The following BOP1 variants were observed in gnomAD, a reference collection of about 807,000 sequenced individuals.
The protein encoded by BOP1 is ribosome biogenesis protein BOP1.
BOP1 carries 54 observed loss-of-function variants against 82.9 expected under a neutral mutation model. The observed-to-expected ratio is 0.65, with a 90% CI of 0.52 to 0.82. The LOEUF is 0.82. Among genes scored for constraint, BOP1 ranks in the 40% least tolerant of loss-of-function variants. BOP1 has a pLI of 0.00. For synonymous variants in BOP1, 566 were observed against 451.1 expected, an observed-to-expected ratio of 1.25 and a Z score of -3.23; for missense variants, 1,170 against 1,072.0, an observed-to-expected ratio of 1.09 and a Z score of -1.28.
Position 144,276,904 on chromosome 8 carries a change from C to T in BOP1, c.310-600G>A, listed in dbSNP as rs965455151. Among the ~76,000 whole-genome samples, 3 of 152,322 alleles carry T rather than the reference C, an allele frequency of 2.0e-5. No individual in the cohort carries two copies. In the South Asian group the frequency reaches 6.2e-4, roughly 32 times the overall value. ...GGGCCCCGAACACTCAGAAGGCCTG[C>T]CCAGCGTTCTCCCACCCACCACGTC... On this transcript the variant is annotated intron_variant, in intron 2 of 15. Transcript: ENST00000569669.
At chr8:144,273,598 C>T (rs1327899046) in intron 3 of BOP1, among the ~76,000 whole-genome samples, 1 of 152,256 alleles carries the variant, frequency 6.6e-6, no homozygotes, top group African/African-American at 2.4e-5. Context: ...CAGTTTCTCC[C>T]AACCGCTCAA....
At chr8:144,285,237 G>A (rs921016225) in intron 2 of BOP1, among the ~76,000 whole-genome samples, 9 of 152,176 alleles carry the variant, frequency 5.9e-5, no homozygotes, top group East Asian at 1.9e-4. Flanking sequence ...TGAGGCCCTC[G>A]CCCTGCCTGA....
chr8:144,290,148 C>T (rs560885874), intron 1 of BOP1, among the ~76,000 whole-genome samples: 2 of 152,212 alleles, frequency 1.3e-5, no homozygotes, highest in East Asian at 3.9e-4. Context: ...CACCTGAGGT[C>T]AGGAGTTCAA....
chr8:144,272,869 C>T (rs921761766), intron 3 of BOP1, among the ~76,000 whole-genome samples: 1 of 152,196 alleles, frequency 6.6e-6, no homozygotes, highest in East Asian at 1.9e-4. Flanking sequence ...AAGGGGCACG[C>T]GGCAGTCAGG....
rs1365361518 is a variant in BOP1 at position 144,262,600 on chromosome 8, T to C, written c.1967A>G (p.Tyr656Cys). Reference sequence around the variant, plus strand: ...CAGCTTTCCTCACCTCAGCATCCTGTATGGCTTGGTGGAAAGATCCAGGTC... The same window carrying C: ...CAGCTTTCCTCACCTCAGCATCCTGCATGGCTTGGTGGAAAGATCCAGGTC... ...WFDLDLSTKP[Y>C]RMLRHHKKAL... is the part of the protein sequence containing the mutation. The change falls in exon 14 of 16, where the codon TAC (tyrosine) becomes TGC (cysteine). Residue 656 changes from tyrosine (Y) to cysteine (C), a missense_variant. Transcript: ENST00000569669. 17 of 1,613,322 alleles carry C rather than the reference T, an allele frequency of 1.1e-5. No homozygotes were observed. The highest frequency in any genetic ancestry group is 1.4e-5 in the Non-Finnish European group (16 of 1,179,814).
Position 144,289,186 on chromosome 8 carries a change from T to A in BOP1, c.218A>T (p.Asp73Val), listed in dbSNP as rs782280925. 3.7e-6 allele frequency: 6 copies of A among 1,614,172 alleles called. No individual in the cohort carries two copies. Among genetic ancestry groups the A allele is most frequent in the Middle Eastern group, 1.6e-4 (1 of 6,062 alleles). ...LEDSGSDSSE[D>V]DDEGDEEGED... is the part of the protein sequence containing the mutation. ...TCCCTCCTCGTCGCCTTCGTCATCA[T>A]CCTCACTGCTGTCACTGCCGGAATC... The change falls in exon 2 of 16, where the codon GAT becomes GTT. Residue 73 changes from aspartate to valine, a missense_variant. Physicochemically the swap from Asp to Val is radical, Grantham distance 152. Coordinates refer to ENST00000569669, the MANE Select transcript of BOP1 (RefSeq NM_015201.5).
At chr8:144,269,966 G>C (rs1349771307) in intron 3 of BOP1, among the ~76,000 whole-genome samples, 1 of 152,182 alleles carries the variant, frequency 6.6e-6, no homozygotes, top group Admixed American at 6.5e-5. Context: ...ACTGGGTGTA[G>C]TTCTGTAGGG....
intron 3 of BOP1, among the ~76,000 whole-genome samples, chr8:144,272,571 C>T (rs1845508069): frequency 6.6e-6 from 1 of 152,276 alleles, no homozygotes; most frequent in East Asian, 1.9e-4. Flanking sequence ...CTGTAGAGCA[C>T]CCCCCGCTGC....
In BOP1 at chr8:144,286,564, A is replaced by G. The variant is rs541169028; in HGVS notation, c.309+2531T>C. On this transcript the variant is annotated intron_variant, in intron 2 of 15. Transcript: ENST00000569669. Reference sequence around the variant, plus strand: ...GGCAGGGCCTCGGCCTCCCAGCTAAAGCACAGGACACGCGGGCAGATGCAC... The same window carrying G: ...GGCAGGGCCTCGGCCTCCCAGCTAAGGCACAGGACACGCGGGCAGATGCAC... 9.8e-4 allele frequency among the ~76,000 whole-genome samples: 138 copies of G among 141,174 alleles called. 4 individuals carry two copies. Among genetic ancestry groups the G allele is most frequent in the Non-Finnish European group, 1.6e-3 (102 of 63,902 alleles). The allele number at this position is 141,174 out of a possible 152,430, so 92.6% of individuals were successfully genotyped here. A position where few individuals can be genotyped will look rare whatever the true frequency, so the allele number is the denominator to read the frequency against.
chr8:144,291,430 G>A lies in BOP1; in HGVS notation c.-60C>T, dbSNP rs1473523861. 3 of 1,032,600 alleles carry A rather than the reference G, an allele frequency of 2.9e-6. No homozygotes were observed. The highest frequency in any genetic ancestry group is 3.5e-6 in the Non-Finnish European group (3 of 845,268). 64.0% of individuals were successfully genotyped at this position (1,032,600 alleles called of 1,614,324 possible). On this transcript the variant is annotated 5_prime_UTR_variant, in exon 1 of 16. Coordinates refer to ENST00000569669, the MANE Select transcript of BOP1 (RefSeq NM_015201.5). The surrounding 1 kb of genome is among the most constrained non-coding windows in gnomAD (Gnocchi z 4.1). ...GCTTCCGACAGCGACCGGGCCGCGT[G>A]CGCAGGAGGACGCGCCCCGCCCAGC...
intron 14 of BOP1, 34 bp from the exon 15 acceptor site, chr8:144,262,537 G>A (rs1185960601): frequency 1.9e-5 from 31 of 1,612,746 alleles, no homozygotes; most frequent in African/African-American, 1.2e-4. Flanking sequence ...AGGCAGGCTC[G>A]GGCTGAAGGG....
At chr8:144,266,712 G>C (rs1409780403) in intron 3 of BOP1, 2 of 1,212,782 alleles carry the variant, frequency 1.6e-6, no homozygotes, top group African/African-American at 3.3e-5. Context: ...GCGACAGCTC[G>C]GGCTCCGACG....
At chr8:144,262,741 C>T in intron 13 of BOP1, 69 bp from the exon 14 acceptor site, 3 of 1,542,694 alleles carry the variant, frequency 1.9e-6, no homozygotes, top group Non-Finnish European at 1.8e-6. Context: ...TGCCCGTCAC[C>T]TACACCCCTC....
At chr8:144,276,886 G>A (rs767619135) in intron 2 of BOP1, among the ~76,000 whole-genome samples, 20 of 152,158 alleles carry the variant, frequency 1.3e-4, no homozygotes, top group Non-Finnish European at 1.9e-4. Context: ...AGAGGGCCCC[G>A]AACACTCAGA....
intron 3 of BOP1, among the ~76,000 whole-genome samples, chr8:144,274,041 G>C (rs1345463165): frequency 6.6e-6 from 1 of 152,212 alleles, no homozygotes; most frequent in Non-Finnish European, 1.5e-5. Flanking sequence ...AGGAAGGGCA[G>C]GGAAGTGGCC....
At chr8:144,263,635 A>G (rs1845288182) in intron 10 of BOP1, 25 bp from the exon 11 acceptor site, 1 of 1,608,014 alleles carries the variant, frequency 6.2e-7, no homozygotes, top group African/African-American at 1.3e-5. Flanking sequence ...GACAGCTCTC[A>G]ACACCTGGCC....
At chr8:144,263,954 C>A in intron 8 of BOP1, 27 bp downstream of exon 8, 5 of 1,610,584 alleles carry the variant, frequency 3.1e-6, no homozygotes, top group Non-Finnish European at 4.2e-6. Flanking sequence ...CCCTGTGCCA[C>A]CCCCCTGGTG....
intron 1 of BOP1, among the ~76,000 whole-genome samples, chr8:144,289,794 C>T (rs1814982762): frequency 6.6e-6 from 1 of 152,192 alleles, no homozygotes; most frequent in Non-Finnish European, 1.5e-5. Flanking sequence ...AGAAATGGGT[C>T]CCCAAAGGGC....
At chr8:144,266,418 C>A (rs1845364618) in intron 3 of BOP1, 2 of 792,852 alleles carry the variant, frequency 2.5e-6, no homozygotes, top group African/African-American at 1.9e-5. Context: ...GGGGCCGGGA[C>A]GCCGCTATAA....
Sources: allele counts gnomAD v4.1 joint callset (sites outside exome capture counted in the v4.1 genomes callset), GRCh38; gene constraint gnomAD v4.1.1; non-coding constraint Gnocchi (gnomAD v3.1); transcripts MANE v1.5; gene names NCBI Gene and HGNC (gene_info 2026-07-23, HGNC 2026-07-21).